CNTNAP2: variants seen among roughly 807,000 people sequenced by gnomAD.
CNTNAP2 encodes the protein contactin-associated protein-like 2.
A neutral mutation model predicts 155.2 loss-of-function variants in CNTNAP2; 98 were observed. That is an observed-to-expected ratio of 0.63 (90% confidence interval 0.54 to 0.75). The LOEUF (loss-of-function observed/expected upper bound fraction) is 0.75, where lower values mean the gene tolerates loss of function less well. CNTNAP2 is among the 30% of genes least tolerant of loss of function. CNTNAP2 has a pLI of 0.00. For synonymous variants in CNTNAP2, 651 were observed against 631.2 expected (o/e 1.03, Z -0.47); for missense variants, 1,727 against 1,688.1 (o/e 1.02, Z -0.40).
At chr7:146,217,722 G>C (rs115864321) in intron 1 of CNTNAP2, among the ~76,000 whole-genome samples, 1 of 152,076 alleles carries the variant, frequency 6.6e-6, no homozygotes, top group African/African-American at 2.4e-5. Context: ...CCTCTGGGTG[G>C]GGGGATTGAG....
intron 13 of CNTNAP2, among the ~76,000 whole-genome samples, chr7:147,743,177 C>A (rs995518334): frequency 1.3e-5 from 2 of 152,288 alleles, no homozygotes; most frequent in East Asian, 1.9e-4. Flanking sequence ...AATGGGCCAG[C>A]CCCTAGTAGC....
intron 4 of CNTNAP2, among the ~76,000 whole-genome samples, chr7:147,049,212 G>A (rs551529026): frequency 1.3e-5 from 2 of 152,216 alleles, no homozygotes; most frequent in African/African-American, 4.8e-5. Flanking sequence ...TTTGAAGGAC[G>A]CATTCATACC....
At chr7:147,509,146 A>G (rs1333842237) in intron 11 of CNTNAP2, among the ~76,000 whole-genome samples, 2 of 152,006 alleles carry the variant, frequency 1.3e-5, no homozygotes, top group African/African-American at 4.8e-5. Flanking sequence ...CTTAATTATC[A>G]TTGGCATGTT....
At chr7:148,009,342 C>T (rs541807776) in intron 15 of CNTNAP2, among the ~76,000 whole-genome samples, 9 of 152,306 alleles carry the variant, frequency 5.9e-5, no homozygotes, top group African/African-American at 1.9e-4. Flanking sequence ...AGTACAGCGT[C>T]TACTGAATGC....
chr7:146,172,649 C>G (rs187713877), intron 1 of CNTNAP2, among the ~76,000 whole-genome samples: 2 of 152,164 alleles, frequency 1.3e-5, no homozygotes, highest in Non-Finnish European at 2.9e-5. Flanking sequence ...TAATTAAGTT[C>G]TGATCATTAC....
At chr7:147,929,092 CAAAAAAAAA>C (rs66584239) in intron 14 of CNTNAP2, among the ~76,000 whole-genome samples, 15 of 34,626 alleles carry the variant, frequency 4.3e-4, no homozygotes, top group African/African-American at 9.4e-4. Context: ...AACTCCATCC[CAAAAAAAAA>C]AAAAAAAAAA....
chr7:147,761,330 C>CATT lies in CNTNAP2; in HGVS notation c.2098+122024_2098+122025insATT, dbSNP rs1563079593. ...TTCTGTTCCAGGTACATCTTTAAGC[C>CATT]TAATCACTTTCCTCTTTCCTGCTTT... On this transcript the variant is annotated intron_variant, in intron 13 of 23. Transcript: ENST00000361727. Among the ~76,000 whole-genome samples, 7 of 152,114 alleles carry CATT rather than the reference C, an allele frequency of 4.6e-5. No individual in the cohort carries two copies. The South Asian group carries it at 1.4e-3, about 31-fold the overall frequency.
intron 1 of CNTNAP2, among the ~76,000 whole-genome samples, chr7:146,426,620 C>A (rs1796096426): frequency 1.7e-5 from 2 of 114,756 alleles, no homozygotes; most frequent in Non-Finnish European, 1.6e-5. Flanking sequence ...TCAATAACAC[C>A]TTTAAAAAAA....
At chr7:146,737,519 A>T (rs765002197) in intron 1 of CNTNAP2, among the ~76,000 whole-genome samples, 16 of 152,122 alleles carry the variant, frequency 1.1e-4, no homozygotes, top group Non-Finnish European at 1.6e-4. Context: ...AATGAGATGG[A>T]ACAGGTATAA....
rs374088459 is a variant in CNTNAP2, at chr7:148,288,848, C to G, written c.3475+21722C>G. 3.5e-4 allele frequency among the ~76,000 whole-genome samples: 52 copies of G among 149,892 alleles called. 1 individual carries two copies. The South Asian group carries it at 0.01, about 30-fold the overall frequency. The stretch of plus-strand genomic sequence containing the variant: ...TTAGCAAATATTTCTTGGACAACAA[C>G]TACATGCTTGAGGTTGGCATGGGGA... On this transcript the variant is annotated intron_variant, in intron 21 of 23. Transcript: ENST00000361727.
At chr7:147,735,697 T>C (rs1414686134) in intron 13 of CNTNAP2, among the ~76,000 whole-genome samples, 3 of 152,230 alleles carry the variant, frequency 2.0e-5, no homozygotes, top group Admixed American at 1.3e-4. Flanking sequence ...TTTATCAATC[T>C]GGGTGCTCCT....
At chr7:148,135,829 G>A (rs1368129382) in intron 16 of CNTNAP2, among the ~76,000 whole-genome samples, 2 of 122,242 alleles carry the variant, frequency 1.6e-5, no homozygotes, top group Non-Finnish European at 3.4e-5. Flanking sequence ...AGCCTGGGTG[G>A]CTGAGTGAGA....
At chr7:147,928,477 A>G (rs2116794067) in intron 14 of CNTNAP2, among the ~76,000 whole-genome samples, 1 of 152,226 alleles carries the variant, frequency 6.6e-6, no homozygotes. Context: ...TGAGTAGCTT[A>G]TTTATTTATT....
chr7:146,354,411 ATTT>A (rs10641636), intron 1 of CNTNAP2, among the ~76,000 whole-genome samples: 6 of 135,330 alleles, frequency 4.4e-5, no homozygotes, highest in Admixed American at 7.6e-5. Context: ...TCTTGTTAGT[ATTT>A]TTTTTTTTTT....
At chr7:146,822,008 A>C (rs1434019534) in intron 2 of CNTNAP2, among the ~76,000 whole-genome samples, 1 of 152,110 alleles carries the variant, frequency 6.6e-6, no homozygotes, top group Non-Finnish European at 1.5e-5. Flanking sequence ...TGCTGCTATA[A>C]AGACACATGC....
intron 9 of CNTNAP2, among the ~76,000 whole-genome samples, chr7:147,350,383 C>T (rs1795948201): frequency 6.6e-6 from 1 of 151,808 alleles, no homozygotes; most frequent in African/African-American, 2.4e-5. Flanking sequence ...CCAAGTAATA[C>T]CCCTCTAAGC....
chr7:148,165,319 C>T (rs1484152963), intron 17 of CNTNAP2, among the ~76,000 whole-genome samples: 1 of 152,100 alleles, frequency 6.6e-6, no homozygotes, highest in African/African-American at 2.4e-5. Context: ...CCTTTATGGC[C>T]TCATTTAATG....
rs1022618591 is a variant in CNTNAP2 at position 147,304,798 on chromosome 7, C to T, written c.1498+4508C>T. 3.3e-5 allele frequency among the ~76,000 whole-genome samples: 5 copies of T among 152,232 alleles called. No individual in the cohort carries two copies. In the South Asian group the frequency reaches 1.0e-3, roughly 32 times the overall value. On this transcript the variant is annotated intron_variant, in intron 9 of 23. Transcript: ENST00000361727. ...CAGTTTTGGCTGCTATAAGAGAATACTATAGGTTGAGTGGTCTAAACAACA... is the reference window on the plus strand; with the variant it reads ...CAGTTTTGGCTGCTATAAGAGAATATTATAGGTTGAGTGGTCTAAACAACA...
chr7:147,962,941 T>C (rs921173483), intron 14 of CNTNAP2, among the ~76,000 whole-genome samples: 5 of 152,196 alleles, frequency 3.3e-5, no homozygotes, highest in African/African-American at 9.6e-5. Context: ...ATCAAAATCT[T>C]GCCTTCCAAT....
Sources: allele counts gnomAD v4.1 joint callset (sites outside exome capture counted in the v4.1 genomes callset), GRCh38; gene constraint gnomAD v4.1.1; transcripts MANE v1.5; gene names NCBI Gene and HGNC (gene_info 2026-07-23, HGNC 2026-07-21).